The following KCNN3 variants were observed in gnomAD, a reference collection of about 807,000 sequenced individuals.
KCNN3 encodes potassium calcium-activated channel subfamily N member 3.
KCNN3 carries 16 observed loss-of-function variants against 62.9 expected under a neutral mutation model. That is an observed-to-expected ratio of 0.25 (90% confidence interval 0.17 to 0.39). The LOEUF (loss-of-function observed/expected upper bound fraction) is 0.39, where lower values mean the gene tolerates loss of function less well. Ranked by LOEUF, KCNN3 falls within the 10% of genes least tolerant of loss-of-function variation. The probability of loss-of-function intolerance (pLI) is 1.00; values close to 1 mark genes in which losing one functional copy is unlikely to be tolerated. For synonymous variants in KCNN3, 370 were observed against 389.2 expected (o/e 0.95, Z 0.58); for missense variants, 599 against 949.4 (o/e 0.63, Z 4.85).
At chr1:154,814,512 G>T (rs1475059853) in intron 2 of KCNN3, among the ~76,000 whole-genome samples, 2 of 152,328 alleles carry the variant, frequency 1.3e-5, no homozygotes, top group East Asian at 3.9e-4. Context: ...GGCACCCTGG[G>T]GTCAGGGAAG....
chr1:154,768,791 A>G (rs1359810636), intron 3 of KCNN3, among the ~76,000 whole-genome samples: 1 of 152,026 alleles, frequency 6.6e-6, no homozygotes, highest in African/African-American at 2.4e-5. Context: ...TGAATTGGAC[A>G]TGAAGGCAGC....
chr1:154,719,730 C>T (rs1319664558), intron 5 of KCNN3, among the ~76,000 whole-genome samples: 2 of 152,060 alleles, frequency 1.3e-5, no homozygotes, highest in African/African-American at 2.4e-5. Flanking sequence ...TTTGCCAAGC[C>T]CACTCTCCCC....
At chr1:154,750,000 G>A (rs140839997) in intron 3 of KCNN3, among the ~76,000 whole-genome samples, 248 of 152,276 alleles carry the variant, frequency 1.6e-3, no homozygotes, top group African/African-American at 5.7e-3. Context: ...CAAGTGAAGC[G>A]TCACGAAGTC....
At chr1:154,820,270 A>C (rs557741004) in intron 2 of KCNN3, among the ~76,000 whole-genome samples, 3 of 152,322 alleles carry the variant, frequency 2.0e-5, no homozygotes, top group Non-Finnish European at 4.4e-5. Context: ...CCTCAGGAGC[A>C]TCAGAGGGAG....
intron 1 of KCNN3, among the ~76,000 whole-genome samples, chr1:154,835,574 T>C (rs1183633054): frequency 2.0e-5 from 3 of 152,190 alleles, no homozygotes; most frequent in Non-Finnish European, 4.4e-5. Context: ...TGCAATTAAT[T>C]ATATGTCACT....
In KCNN3 at chr1:154,769,236, CAT is replaced by C. The variant is rs34696726; in HGVS notation, c.1448+2737_1448+2738del. Reference sequence around the variant, plus strand: ...CTATTGTGAGGGCAAGCTGGGATGACATATGGATTTTACACAGAACTAGCACA... The same window carrying C: ...CTATTGTGAGGGCAAGCTGGGATGACATGGATTTTACACAGAACTAGCACA... On this transcript the variant is annotated intron_variant, in intron 3 of 7. Coordinates refer to ENST00000271915, the MANE Select transcript of KCNN3 (RefSeq NM_002249.6). Among the ~76,000 whole-genome samples, 17 of 152,268 alleles carry C rather than the reference CAT, an allele frequency of 1.1e-4. No individual in the cohort carries two copies. The South Asian group carries it at 1.2e-3, about 11-fold the overall frequency.
At chr1:154,758,552 G>T (rs1031290035) in intron 3 of KCNN3, among the ~76,000 whole-genome samples, 3 of 152,202 alleles carry the variant, frequency 2.0e-5, no homozygotes, top group African/African-American at 7.2e-5. Context: ...AAAATGACCA[G>T]GTGTGTTAGG....
rs370801302 is a variant in KCNN3, at chr1:154,861,983, C to T, written c.933+7049G>A. Among the ~76,000 whole-genome samples the T allele has an allele frequency of 8.5e-5, 13 of 152,330 alleles. No homozygotes were observed. The South Asian group carries it at 2.7e-3, about 32-fold the overall frequency. Reference sequence around the variant, plus strand: ...GAGACGGGCCTTTTCTCGGCACTCACTGCCCATGACAGAGCTCAACAGAGG... The same window carrying T: ...GAGACGGGCCTTTTCTCGGCACTCATTGCCCATGACAGAGCTCAACAGAGG... On this transcript the variant is annotated intron_variant, in intron 1 of 7. Coordinates refer to ENST00000271915, the MANE Select transcript of KCNN3 (RefSeq NM_002249.6).
intron 2 of KCNN3, among the ~76,000 whole-genome samples, chr1:154,793,957 T>C (rs965568932): frequency 2.0e-5 from 3 of 152,196 alleles, no homozygotes; most frequent in African/African-American, 7.2e-5. Flanking sequence ...CACTGATGCA[T>C]CCAGCCCTCG....
chr1:154,708,400 G>A, intron 7 of KCNN3, 128 bp from the exon 8 acceptor site: 2 of 965,702 alleles, frequency 2.1e-6, no homozygotes, highest in Non-Finnish European at 1.6e-6. Context: ...ATCTGGTCAA[G>A]GAAGGATACA....
At chr1:154,721,778 A>G (rs541934358) in intron 5 of KCNN3, among the ~76,000 whole-genome samples, 57 of 151,806 alleles carry the variant, frequency 3.8e-4, no homozygotes, top group Non-Finnish European at 7.2e-4. Context: ...AGATGGGGAC[A>G]TGAAAACACT....
rs1699817796 is a variant in KCNN3, at chr1:154,699,926, G to A, written c.*8050C>T. The A allele has an allele frequency of 6.6e-6, 1 of 152,174 alleles. No homozygotes were observed. The highest frequency in any genetic ancestry group is 1.5e-5 in the Non-Finnish European group (1 of 68,022). 9.4% of individuals were successfully genotyped at this position (152,174 alleles called of 1,614,324 possible). On this transcript the variant is annotated 3_prime_UTR_variant, in exon 8 of 8. Transcript: ENST00000271915. ...AAAACTTAAAAATGGGGGCTTTGAG[G>A]TGGCTCAAGGATATGGAGTGCTATT...
chr1:154,791,434 G>A (rs532816713), intron 2 of KCNN3, among the ~76,000 whole-genome samples: 4 of 152,006 alleles, frequency 2.6e-5, no homozygotes, highest in Non-Finnish European at 4.4e-5. Flanking sequence ...ATGGGTGATC[G>A]GCTGCCTCCC....
chr1:154,851,171 G>A (rs745820770), intron 1 of KCNN3, among the ~76,000 whole-genome samples: 1 of 152,010 alleles, frequency 6.6e-6, no homozygotes, highest in Non-Finnish European at 1.5e-5. Flanking sequence ...TAGAGACGGG[G>A]TTTCACCATG....
rs563307975 is a variant in KCNN3 at position 154,828,779 on chromosome 1, T to C, written c.934-6595A>G. On this transcript the variant is annotated intron_variant, in intron 1 of 7. Coordinates refer to ENST00000271915, the MANE Select transcript of KCNN3 (RefSeq NM_002249.6). ...CACCCCTTCTCTTGCCATACAGATGTCAGTGCAGGTAAATGCAGCTGATCC... is the reference window on the plus strand; with the variant it reads ...CACCCCTTCTCTTGCCATACAGATGCCAGTGCAGGTAAATGCAGCTGATCC... Among the ~76,000 whole-genome samples the C allele has an allele frequency of 7.2e-5, 11 of 152,356 alleles. No individual in the cohort carries two copies. In the South Asian group the frequency reaches 2.3e-3, roughly 32 times the overall value.
intron 2 of KCNN3, among the ~76,000 whole-genome samples, chr1:154,812,603 T>C (rs1650461307): frequency 6.6e-6 from 1 of 152,134 alleles, no homozygotes; most frequent in Admixed American, 6.6e-5. Context: ...TTTGGAGAAG[T>C]GGGAGTGCGC....
chr1:154,816,241 A>G (rs1448898293), intron 2 of KCNN3, among the ~76,000 whole-genome samples: 2 of 152,210 alleles, frequency 1.3e-5, no homozygotes, highest in Non-Finnish European at 2.9e-5. Flanking sequence ...TCTGAGACCA[A>G]CGCTAGATCT....
intron 3 of KCNN3, among the ~76,000 whole-genome samples, chr1:154,751,661 C>A (rs1647385329): frequency 6.6e-6 from 1 of 152,052 alleles, no homozygotes; most frequent in Non-Finnish European, 1.5e-5. Context: ...TGGAAGCCAA[C>A]CTGTCTGTCT....
intron 2 of KCNN3, among the ~76,000 whole-genome samples, chr1:154,821,395 C>T (rs1650886007): frequency 1.3e-5 from 2 of 152,214 alleles, no homozygotes. Context: ...CTCATTGTCA[C>T]CAGAAGATGC....
Sources: gnomAD v4.1 joint callset for allele counts (sites outside exome capture counted in the v4.1 genomes callset) on GRCh38, gnomAD v4.1.1 for gene constraint, MANE v1.5 for transcripts, NCBI Gene and HGNC (gene_info 2026-07-23, HGNC 2026-07-21) for gene names.